LIN7A: variants seen among roughly 807,000 people sequenced by gnomAD.
The protein encoded by LIN7A is lin-7 cell polarity scaffold A, also known as protein lin-7 homolog A.
LIN7A carries 25 observed loss-of-function variants against 29.8 expected under a neutral mutation model. The ratio of observed to expected loss-of-function variants is 0.84; its 90% CI spans 0.61 to 1.17. LIN7A has a LOEUF of 1.17. LIN7A is among the 50% of genes most tolerant of loss of function. The pLI is 0.00. For missense variants in LIN7A, 239 were observed against 287.0 expected (o/e 0.83, Z 1.21); for synonymous variants, 118 against 107.5 (o/e 1.10, Z -0.60).
chr12:80,899,981 A>G (rs1876125627), intron 1 of LIN7A, among the ~76,000 whole-genome samples: 1 of 151,044 alleles, frequency 6.6e-6, no homozygotes, highest in Non-Finnish European at 1.5e-5. Context: ...GTTAGTCAGG[A>G]TGGTCTCCAT....
At chr12:80,919,985 T>A (rs1402349) in intron 1 of LIN7A, among the ~76,000 whole-genome samples, 1 of 151,946 alleles carries the variant, frequency 6.6e-6, no homozygotes, top group Non-Finnish European at 1.5e-5. Flanking sequence ...CGGTGACACA[T>A]GTGCACAGTG....
intron 5 of LIN7A, among the ~76,000 whole-genome samples, chr12:80,801,466 A>T (rs1389190179): frequency 6.6e-6 from 1 of 152,210 alleles, no homozygotes; most frequent in African/African-American, 2.4e-5. Flanking sequence ...ACTGTGTTGG[A>T]CTTCTATCCT....
At chr12:80,843,462 C>G (rs936822705) in intron 4 of LIN7A, among the ~76,000 whole-genome samples, 1 of 152,082 alleles carries the variant, frequency 6.6e-6, no homozygotes, top group African/African-American at 2.4e-5. Flanking sequence ...GGTTGTGAGT[C>G]GAACACTGCC....
intron 2 of LIN7A, among the ~76,000 whole-genome samples, chr12:80,860,299 A>G (rs1309167247): frequency 1.3e-5 from 2 of 152,222 alleles, no homozygotes; most frequent in African/African-American, 4.8e-5. Flanking sequence ...CATGTTCAAT[A>G]CTGAAATAAA....
intron 1 of LIN7A, among the ~76,000 whole-genome samples, chr12:80,901,940 C>T (rs1160749631): frequency 6.6e-6 from 1 of 152,028 alleles, no homozygotes; most frequent in East Asian, 1.9e-4. Flanking sequence ...TTGATGTTTG[C>T]AGAAGTTGTT....
At chr12:80,845,972 A>T (rs2121548936) in intron 3 of LIN7A, 33 bp from the exon 4 acceptor site, 1 of 1,558,042 alleles carries the variant, frequency 6.4e-7, no homozygotes, top group East Asian at 2.2e-5. Context: ...GTCTTTTGGT[A>T]ATAAAATGAG....
chr12:80,872,867 G>T (rs1231314350), intron 2 of LIN7A, among the ~76,000 whole-genome samples: 1 of 152,122 alleles, frequency 6.6e-6, no homozygotes, highest in African/African-American at 2.4e-5. Flanking sequence ...CTAAAATACG[G>T]AGTCAACAAT....
intron 1 of LIN7A, among the ~76,000 whole-genome samples, chr12:80,911,044 C>T (rs989223538): frequency 6.6e-6 from 1 of 152,232 alleles, no homozygotes; most frequent in Non-Finnish European, 1.5e-5. Flanking sequence ...TTTTTAACTA[C>T]AAATTAATTT....
At chr12:80,805,461 C>A (rs11836142) in intron 5 of LIN7A, among the ~76,000 whole-genome samples, 2,237 of 152,092 alleles carry the variant, frequency 0.015, 51 homozygotes, top group African/African-American at 0.05. Flanking sequence ...ATGCCAGCAA[C>A]TTTGTAAATT....
chr12:80,882,804 G>A (rs552603368), intron 2 of LIN7A, among the ~76,000 whole-genome samples: 1 of 152,154 alleles, frequency 6.6e-6, no homozygotes, highest in East Asian at 1.9e-4. Flanking sequence ...TATGTAATCT[G>A]CTATCTCATT....
At chr12:80,921,284 A>G (rs1485442004) in intron 1 of LIN7A, among the ~76,000 whole-genome samples, 1 of 151,740 alleles carries the variant, frequency 6.6e-6, no homozygotes, top group African/African-American at 2.4e-5. Flanking sequence ...TAAGAAATAT[A>G]TATCTGTAGT....
chr12:80,839,592 A>G (rs1242865392), intron 4 of LIN7A, among the ~76,000 whole-genome samples: 1 of 152,232 alleles, frequency 6.6e-6, no homozygotes, highest in East Asian at 1.9e-4. Context: ...AGCAATTAAA[A>G]AAACTTTTTA....
chr12:80,931,889 C>T (rs771579593), intron 1 of LIN7A, among the ~76,000 whole-genome samples: 1 of 152,244 alleles, frequency 6.6e-6, no homozygotes, highest in East Asian at 1.9e-4. Flanking sequence ...CTCTTTTCTA[C>T]CCCTGATCAA....
chr12:80,835,344 T>G (rs1872553664), intron 4 of LIN7A, among the ~76,000 whole-genome samples: 1 of 152,110 alleles, frequency 6.6e-6, no homozygotes, highest in Non-Finnish European at 1.5e-5. Context: ...TAATTACTAT[T>G]AGGAAAGGTA....
chr12:80,912,725 AAAAAG>A lies in LIN7A; in HGVS notation c.83-23361_83-23357del, dbSNP rs1296022006. Among the ~76,000 whole-genome samples, 966 of 145,560 alleles carry A rather than the reference AAAAAG, an allele frequency of 6.6e-3. 5 individuals carry two copies. Among genetic ancestry groups the A allele is most frequent in the Admixed American group, 0.011 (153 of 14,260 alleles). On this transcript the variant is annotated intron_variant, in intron 1 of 5. Coordinates refer to ENST00000552864, the MANE Select transcript of LIN7A (RefSeq NM_004664.4). ...CTGAGACTTGTCTCAAAAAAAAAAA[AAAAAG>A]AAAAGAAAAGAAAAAGAAAACACTC...
rs1375529357 is a variant in LIN7A at position 80,811,451 on chromosome 12, A to G, written c.*14T>C. 1.1e-6 allele frequency: 1 copy of G among 945,056 alleles called. No homozygotes were observed. The highest frequency in any genetic ancestry group is 2.1e-5 in the Admixed American group (1 of 46,768). 58.5% of individuals were successfully genotyped at this position (945,056 alleles called of 1,614,324 possible). A position where few individuals can be genotyped will look rare whatever the true frequency, so the allele number is the denominator to read the frequency against. On this transcript the variant is annotated intron_variant, in intron 5 of 5. Coordinates refer to ENST00000552864, the MANE Select transcript of LIN7A (RefSeq NM_004664.4). Reference sequence around the variant, plus strand: ...TATATATATACTCCTTGTATAGAATAAGTCACTTCTCACCTATGACATGTG... The same window carrying G: ...TATATATATACTCCTTGTATAGAATGAGTCACTTCTCACCTATGACATGTG...
intron 4 of LIN7A, among the ~76,000 whole-genome samples, chr12:80,816,158 T>A (rs1001838026): frequency 1.1e-4 from 16 of 152,320 alleles, no homozygotes; most frequent in Middle Eastern, 6.8e-3. Context: ...CCCAGCCATT[T>A]GGGAGGCTGA....
At chr12:80,832,061 T>C (rs184993615) in intron 4 of LIN7A, among the ~76,000 whole-genome samples, 136 of 152,300 alleles carry the variant, frequency 8.9e-4, no homozygotes, top group African/African-American at 3.2e-3. Flanking sequence ...CAAATAGATA[T>C]TGTGCCTTCT....
intron 4 of LIN7A, among the ~76,000 whole-genome samples, chr12:80,828,581 GC>G (rs1163999212): frequency 6.6e-6 from 1 of 152,046 alleles, no homozygotes; most frequent in African/African-American, 2.4e-5. Context: ...TTTAAATGTA[GC>G]AAAATAGTGA....
Sources: gnomAD v4.1 joint callset for allele counts (sites outside exome capture counted in the v4.1 genomes callset) on GRCh38, gnomAD v4.1.1 for gene constraint, MANE v1.5 for transcripts, NCBI Gene and HGNC (gene_info 2026-07-23, HGNC 2026-07-21) for gene names.